Variants in AKR1C3 observed in about 807,000 individuals in gnomAD.
The protein encoded by AKR1C3 is 3-alpha hydroxysteroid dehydrogenase, type II.
Under a neutral mutation model 43.6 loss-of-function variants are expected in AKR1C3, and 48 were observed. The ratio of observed to expected loss-of-function variants is 1.10; its 90% CI spans 0.87 to 1.40. The LOEUF (loss-of-function observed/expected upper bound fraction) is 1.40. Ranked by LOEUF, AKR1C3 falls within the 40% of genes most tolerant of loss-of-function variation. The pLI is 0.00. For missense variants in AKR1C3, 482 were observed against 391.2 expected, an observed-to-expected ratio of 1.23 and a Z score of -1.96; for synonymous variants, 162 against 139.6, an observed-to-expected ratio of 1.16 and a Z score of -1.13.
chr10:5,094,307 A>T, upstream of AKR1C3: 1 of 871,524 alleles, frequency 1.1e-6, no homozygotes, highest in Non-Finnish European at 1.8e-6. Flanking sequence ...AAGACTGCCT[A>T]TGTACCTCCT....
At chr10:5,078,985 C>T (rs900150283) in intron 1 of AKR1C3, among the ~76,000 whole-genome samples, 20 of 152,176 alleles carry the variant, frequency 1.3e-4, no homozygotes, top group Non-Finnish European at 2.4e-4. Flanking sequence ...ATAGTGTTAA[C>T]TCCAGTCTCC....
rs1839363320 is a variant in AKR1C3, at chr10:5,102,006, T to C, written c.571-95T>C. On this transcript the variant is annotated intron_variant, in intron 5 of 8. Transcript: ENST00000380554. ...TATCCTCAGCTCAAATATAATGCTA[T>C]ACTGATTATTATTCAGCTTCCTTAC... 5.1e-6 allele frequency: 4 copies of C among 778,230 alleles called. No individual in the cohort carries two copies. In the East Asian group the frequency reaches 1.0e-4, roughly 20 times the overall value. The allele number at this position is 778,230 out of a possible 1,614,324, so 48.2% of individuals were successfully genotyped here.
intron 1 of AKR1C3, among the ~76,000 whole-genome samples, chr10:5,085,917 T>C (rs1334741970): frequency 6.6e-6 from 1 of 151,904 alleles, no homozygotes; most frequent in African/African-American, 2.4e-5. Context: ...GGATCGGTGG[T>C]GATATCCCCT....
intron 1 of AKR1C3, among the ~76,000 whole-genome samples, chr10:5,073,970 T>TTGCCCCC (rs1375627645): frequency 5.3e-5 from 8 of 152,052 alleles, no homozygotes; most frequent in Non-Finnish European, 1.0e-4. Flanking sequence ...CAGCACAAAC[T>TTGCCCCC]TGCCCCCCAT....
At chr10:5,094,092 C>G (rs1472019483), upstream of AKR1C3, 1 of 167,578 alleles carries the variant, frequency 6.0e-6, no homozygotes, top group African/African-American at 2.4e-5. Flanking sequence ...ATATTTGTAG[C>G]TGGAGGTTTT....
At chr10:5,101,535 A>T (rs1228639486) in intron 5 of AKR1C3, among the ~76,000 whole-genome samples, 1 of 152,206 alleles carries the variant, frequency 6.6e-6, no homozygotes, top group Non-Finnish European at 1.5e-5. Flanking sequence ...TGGTGGAGGC[A>T]AATTATTTTG....
intron 8 of AKR1C3, among the ~76,000 whole-genome samples, chr10:5,106,675 C>T (rs1554787318): frequency 1.3e-5 from 2 of 151,364 alleles, no homozygotes; most frequent in Admixed American, 1.3e-4. Context: ...CGCTTGAACC[C>T]AGGAGGCAAA....
chr10:5,077,889 T>G (rs946543910), intron 1 of AKR1C3: 5 of 604,840 alleles, frequency 8.3e-6, no homozygotes, highest in Middle Eastern at 2.9e-4. Context: ...CAGAATTCTT[T>G]GAATCATCAG....
upstream of AKR1C3, among the ~76,000 whole-genome samples, chr10:5,091,102 G>T (rs1463697820): frequency 6.6e-6 from 1 of 151,860 alleles, no homozygotes; most frequent in Non-Finnish European, 1.5e-5. Context: ...GGGACCAGAC[G>T]ATTGAGCAAC....
chr10:5,082,482 G>A (rs549247036), intron 1 of AKR1C3, among the ~76,000 whole-genome samples: 87 of 152,072 alleles, frequency 5.7e-4, no homozygotes, highest in African/African-American at 2.0e-3. Flanking sequence ...TTTACTGAGA[G>A]TTTTTATCAT....
intron 5 of AKR1C3, among the ~76,000 whole-genome samples, chr10:5,100,973 C>T (rs1839335381): frequency 6.6e-6 from 1 of 152,278 alleles, no homozygotes; most frequent in Admixed American, 6.5e-5. Context: ...TGACAATTCA[C>T]CTCTATAGAC....
intron 1 of AKR1C3, among the ~76,000 whole-genome samples, chr10:5,083,681 T>A (rs868996327): frequency 5.3e-5 from 8 of 152,196 alleles, no homozygotes; most frequent in East Asian, 1.9e-4. Flanking sequence ...TGAACTAGTT[T>A]ACAGTCCCAC....
chr10:5,052,613 T>G (rs1838175589), intron 1 of AKR1C3, among the ~76,000 whole-genome samples: 1 of 151,032 alleles, frequency 6.6e-6, no homozygotes, highest in Non-Finnish European at 1.5e-5. Flanking sequence ...TCACAAAACC[T>G]GAGCTAGACA....
rs1838670322 is a variant in AKR1C3, at chr10:5,074,483, G to C, written c.85-21927G>C. Reference sequence around the variant, plus strand: ...TGGATGCAGCCAGGCTTTCTCTGAGGCTTTCCCTTTGACTTAGGAAAGATT... The same window carrying C: ...TGGATGCAGCCAGGCTTTCTCTGAGCCTTTCCCTTTGACTTAGGAAAGATT... On this transcript the variant is annotated intron_variant, in intron 1 of 8. Transcript: ENST00000439082. 2.6e-5 allele frequency among the ~76,000 whole-genome samples: 4 copies of C among 152,174 alleles called. No homozygotes were observed. In the South Asian group the frequency reaches 8.3e-4, roughly 31 times the overall value.
chr10:5,105,612 G>C lies in AKR1C3; in HGVS notation c.864G>C (p.Leu288Phe). 6.2e-7 allele frequency: 1 copy of C among 1,613,832 alleles called. No individual in the cohort carries two copies. The highest frequency in any genetic ancestry group is 1.1e-5 in the South Asian group (1 of 91,036). ...RQNVQVFEFQ[L>F]TAEDMKAIDG... ...TCTGATAGGTTTTTGAGTTCCAGTT[G>C]ACTGCAGAGGACATGAAAGCCATAG... Residue 288 changes from leucine to phenylalanine, a missense_variant, in exon 8 of 9, where the codon TTG becomes TTC. Transcript: ENST00000380554.
chr10:5,070,009 G>A (rs1838586508), intron 1 of AKR1C3, among the ~76,000 whole-genome samples: 1 of 152,198 alleles, frequency 6.6e-6, no homozygotes, highest in Admixed American at 6.5e-5. Flanking sequence ...CTAGAAAGCA[G>A]TTGTTGAGAG....
rs553454069 is a variant in AKR1C3 at position 5,084,555 on chromosome 10, G to T, written c.85-11855G>T. On this transcript the variant is annotated intron_variant, in intron 1 of 8. Coordinates refer to the AKR1C3 transcript ENST00000439082. ...TTTTGGCTTAGGATTGACTTGGTGA[G>T]GCGGGCTCTTTTTGGGTTCCATATG... Among the ~76,000 whole-genome samples the T allele has an allele frequency of 8.1e-3, 1,230 of 152,152 alleles. 16 individuals are homozygous for T. Among genetic ancestry groups the T allele is most frequent in the African/African-American group, 0.028 (1,152 of 41,484 alleles).
intron 1 of AKR1C3, among the ~76,000 whole-genome samples, chr10:5,070,805 ACTTGAT>A (rs1454875414): frequency 6.6e-6 from 1 of 152,216 alleles, no homozygotes; most frequent in African/African-American, 2.4e-5. Flanking sequence ...ATTTGTCTGC[ACTTGAT>A]CTTGAGCTTC....
chr10:5,102,748 T>A, intron 7 of AKR1C3, 98 bp downstream of exon 7: 1 of 1,503,890 alleles, frequency 6.6e-7, no homozygotes, highest in Admixed American at 2.2e-5. Flanking sequence ...CCAGCTCCAT[T>A]TCCCTGTATT....
Sources: gnomAD v4.1 joint callset for allele counts (sites outside exome capture counted in the v4.1 genomes callset) on GRCh38, gnomAD v4.1.1 for gene constraint, MANE v1.5 for transcripts, NCBI Gene and HGNC (gene_info 2026-07-23, HGNC 2026-07-21) for gene names.